ACTR3B: variants seen among roughly 807,000 people sequenced by gnomAD.
The protein encoded by ACTR3B is actin related protein 3B.
ACTR3B carries 8 observed loss-of-function variants against 59.0 expected under a neutral mutation model. That is an observed-to-expected ratio of 0.14 (90% CI 0.08 to 0.24). The LOEUF (loss-of-function observed/expected upper bound fraction) is 0.24. Ranked by LOEUF, ACTR3B falls within the 10% of genes least tolerant of loss-of-function variation. The probability of loss-of-function intolerance (pLI) is 1.00; values close to 1 mark genes in which losing one functional copy is unlikely to be tolerated. For synonymous variants in ACTR3B, 148 were observed against 197.9 expected, an observed-to-expected ratio of 0.75 and a Z score of 2.12; for missense variants, 245 against 552.3, an observed-to-expected ratio of 0.44 and a Z score of 5.58.
intron 9 of ACTR3B, among the ~76,000 whole-genome samples, chr7:152,843,251 T>G (rs1798005917): frequency 6.6e-6 from 1 of 152,238 alleles, no homozygotes; most frequent in Admixed American, 6.5e-5. Flanking sequence ...GCTAAGAAAT[T>G]TTTGCCTACC....
At chr7:152,781,988 C>A (rs2098155623) in intron 1 of ACTR3B, among the ~76,000 whole-genome samples, 1 of 151,612 alleles carries the variant, frequency 6.6e-6, no homozygotes, top group Admixed American at 6.6e-5. Context: ...ACCTCAGGTC[C>A]TGTGGAAGTT....
At chr7:152,788,838 A>G (rs1590254208) in intron 2 of ACTR3B, among the ~76,000 whole-genome samples, 1 of 152,300 alleles carries the variant, frequency 6.6e-6, no homozygotes, top group East Asian at 1.9e-4. Flanking sequence ...CCCAGCCAAC[A>G]TGGTGAAACC....
intron 1 of ACTR3B, among the ~76,000 whole-genome samples, chr7:152,770,765 G>A (rs1016692335): frequency 3.6e-5 from 5 of 138,572 alleles, no homozygotes; most frequent in Non-Finnish European, 6.4e-5. Flanking sequence ...ATTGTATTCA[G>A]TGTCATTGTA....
intron 2 of ACTR3B, among the ~76,000 whole-genome samples, chr7:152,796,872 T>G (rs373569732): frequency 0.036 from 3,649 of 101,420 alleles, 125 homozygotes; most frequent in South Asian, 0.057. Context: ...TTTTTTTTTT[T>G]TTTTTTTTTT....
chr7:152,777,428 G>A (rs1440847310), intron 1 of ACTR3B, among the ~76,000 whole-genome samples: 1 of 152,160 alleles, frequency 6.6e-6, no homozygotes, highest in Non-Finnish European at 1.5e-5. Flanking sequence ...TTTAAGGGTA[G>A]GAGTAATAGC....
At chr7:152,818,393 C>G (rs1333903590) in intron 6 of ACTR3B, among the ~76,000 whole-genome samples, 1 of 152,138 alleles carries the variant, frequency 6.6e-6, no homozygotes, top group Non-Finnish European at 1.5e-5. Context: ...AATAAAATTA[C>G]CTTTAAAGCC....
intron 9 of ACTR3B, among the ~76,000 whole-genome samples, chr7:152,839,030 G>A (rs917841771): frequency 4.0e-5 from 6 of 151,556 alleles, no homozygotes; most frequent in African/African-American, 1.5e-4. Context: ...TTTGACTTGC[G>A]ACCTGGCAGG....
chr7:152,795,743 C>G (rs184205638), intron 2 of ACTR3B, among the ~76,000 whole-genome samples: 4 of 152,240 alleles, frequency 2.6e-5, no homozygotes, highest in African/African-American at 9.6e-5. Context: ...AATCTTTTGT[C>G]TGGCCATCTT....
At chr7:152,788,866 T>C (rs573609975) in intron 2 of ACTR3B, among the ~76,000 whole-genome samples, 9 of 152,070 alleles carry the variant, frequency 5.9e-5, no homozygotes, top group African/African-American at 1.9e-4. Flanking sequence ...TACTAAAAAA[T>C]ACAAAAATTA....
At chr7:152,767,422 C>T (rs1293601721) in intron 1 of ACTR3B, among the ~76,000 whole-genome samples, 3 of 152,106 alleles carry the variant, frequency 2.0e-5, no homozygotes, top group Non-Finnish European at 4.4e-5. Flanking sequence ...CTAATGGTGC[C>T]GGCTTCCCCT....
chr7:152,811,872 A>G (rs1795266536), intron 4 of ACTR3B: 2 of 147,920 alleles, frequency 1.4e-5, no homozygotes, highest in Non-Finnish European at 3.0e-5. Flanking sequence ...TATCAGTTTT[A>G]AATAATATCT....
intron 2 of ACTR3B, among the ~76,000 whole-genome samples, chr7:152,800,055 G>T (rs1350166528): frequency 6.6e-6 from 1 of 151,972 alleles, no homozygotes; most frequent in African/African-American, 2.4e-5. Flanking sequence ...AAATTTTAAC[G>T]GTTTTTTTTC....
intron 9 of ACTR3B, among the ~76,000 whole-genome samples, chr7:152,836,116 CG>C (rs1245971115): frequency 1.3e-5 from 2 of 149,620 alleles, no homozygotes; most frequent in Non-Finnish European, 3.0e-5. Context: ...ATGTGGAGGC[CG>C]GAGGGCGGGG....
chr7:152,824,955 A>G lies in ACTR3B; in HGVS notation c.859-75A>G. 6.9e-7 allele frequency: 1 copy of G among 1,440,740 alleles called. No individual in the cohort carries two copies. The allele number at this position is 1,440,740 out of a possible 1,614,324, so 89.2% of individuals were successfully genotyped here. A position where few individuals can be genotyped will look rare whatever the true frequency, so the allele number is the denominator to read the frequency against. ...AATAAATTGTATATTTGTTAAAGTT[A>G]CTTTAAAGAAGTGTGCATGTTGTTC... On this transcript the variant is annotated intron_variant, in intron 8 of 11. Transcript: ENST00000256001. The surrounding 1 kb of genome is among the most constrained non-coding windows in gnomAD (Gnocchi z 4.2).
chr7:152,846,180 G>A (rs907662398), intron 9 of ACTR3B, among the ~76,000 whole-genome samples: 3 of 148,552 alleles, frequency 2.0e-5, no homozygotes, highest in Non-Finnish European at 4.5e-5. Context: ...TCTAGTGCCC[G>A]GGCTGTAGTC....
chr7:152,807,691 T>G (rs2098256524), intron 4 of ACTR3B, among the ~76,000 whole-genome samples: 1 of 152,264 alleles, frequency 6.6e-6, no homozygotes, highest in Admixed American at 6.5e-5. Context: ...GATTAAAATT[T>G]GCCATATGCT....
chr7:152,776,914 A>G (rs2098137424), intron 1 of ACTR3B, among the ~76,000 whole-genome samples: 1 of 152,204 alleles, frequency 6.6e-6, no homozygotes. Flanking sequence ...TGATGGTTGT[A>G]TAGAATTTTA....
intron 9 of ACTR3B, among the ~76,000 whole-genome samples, chr7:152,842,719 T>TA (rs1429060930): frequency 6.6e-6 from 1 of 152,228 alleles, no homozygotes; most frequent in Non-Finnish European, 1.5e-5. Context: ...TCTTAGCTAT[T>TA]ACAAAAAACC....
intron 1 of ACTR3B, among the ~76,000 whole-genome samples, chr7:152,777,779 C>A (rs1305441296): frequency 6.6e-6 from 1 of 152,030 alleles, no homozygotes; most frequent in South Asian, 2.1e-4. Flanking sequence ...GGTGAAACCC[C>A]GTTTTTACTA....
Sources: gnomAD v4.1 joint callset for allele counts (sites outside exome capture counted in the v4.1 genomes callset) on GRCh38, gnomAD v4.1.1 for gene constraint, Gnocchi (gnomAD v3.1) non-coding constraint, MANE v1.5 for transcripts, NCBI Gene and HGNC (gene_info 2026-07-23, HGNC 2026-07-21) for gene names.